The following EGF variants were observed in gnomAD, a reference collection of about 807,000 sequenced individuals.
EGF encodes the protein epidermal growth factor, also known as pro-epidermal growth factor.
Under a neutral mutation model 143.8 loss-of-function variants are expected in EGF, and 95 were observed. The observed-to-expected ratio is 0.66, with a 90% CI of 0.56 to 0.78. The LOEUF is 0.78. Ranked by LOEUF, EGF falls within the 30% of genes least tolerant of loss-of-function variation. EGF has a pLI of 0.00. For synonymous variants in EGF, 510 were observed against 510.5 expected (o/e 1.00, Z 0.01); for missense variants, 1,320 against 1,470.9 (o/e 0.90, Z 1.68).
At chr4:109,932,799 A>G (rs1740025360) in intron 1 of EGF, among the ~76,000 whole-genome samples, 1 of 152,200 alleles carries the variant, frequency 6.6e-6, no homozygotes, top group Non-Finnish European at 1.5e-5. Context: ...CATGCATGAT[A>G]CACATAGCAG....
At position 109,969,093 on chromosome 4, in the gene EGF, C is replaced by G; in HGVS notation, c.1698C>G (p.Gly566=). ...VPEGLAVDWI[G]RRFYWTDRGK... ...AAGGTCTTGCTGTGGACTGGATTGGCCGTAGATTCTATTGGACAGACAGAG... is the reference window on the plus strand; with the variant it reads ...AAGGTCTTGCTGTGGACTGGATTGGGCGTAGATTCTATTGGACAGACAGAG... The change falls in exon 11 of 24, where the codon GGC becomes GGG. Residue 566 remains glycine, a synonymous_variant. Coordinates refer to ENST00000265171, the MANE Select transcript of EGF (RefSeq NM_001963.6). 1 of 1,613,976 alleles carries G rather than the reference C, an allele frequency of 6.2e-7. No individual in the cohort carries two copies. The highest frequency in any genetic ancestry group is 8.5e-7 in the Non-Finnish European group (1 of 1,179,976).
intron 18 of EGF, among the ~76,000 whole-genome samples, chr4:109,993,032 C>T (rs1264466349): frequency 6.6e-6 from 1 of 151,670 alleles, no homozygotes; most frequent in Non-Finnish European, 1.5e-5. Flanking sequence ...ACCAACATGG[C>T]ACATGTATAC....
At position 110,011,668 on chromosome 4, in the gene EGF, G is replaced by A. The variant is rs775896831; in HGVS notation, c.*213G>A. On this transcript the variant is annotated 3_prime_UTR_variant, in exon 24 of 24. Coordinates refer to ENST00000265171, the MANE Select transcript of EGF (RefSeq NM_001963.6). ...TTATTTCCAAGTAAGAGTACTGGGA[G>A]AATCACTAGGTAACTTATTAGAAAC... The A allele has an allele frequency of 1.5e-4, 104 of 706,676 alleles. No homozygotes were observed. Among genetic ancestry groups the A allele is most frequent in the Non-Finnish European group, 2.3e-4 (99 of 439,522 alleles). 43.8% of individuals were successfully genotyped at this position (706,676 alleles called of 1,614,324 possible).
intron 1 of EGF, among the ~76,000 whole-genome samples, chr4:109,938,329 T>A (rs1387061229): frequency 2.6e-5 from 4 of 152,246 alleles, no homozygotes; most frequent in African/African-American, 4.8e-5. Context: ...TGTGCATGTG[T>A]CACGAAGTTC....
intron 5 of EGF, among the ~76,000 whole-genome samples, chr4:109,947,957 G>A (rs1040323248): frequency 2.0e-5 from 3 of 152,114 alleles, no homozygotes; most frequent in Admixed American, 2.0e-4. Context: ...GATGAATGTG[G>A]GGGAAAATTT....
rs2298994 is a variant in EGF at position 109,984,240 on chromosome 4, A to C, written c.2491+699A>C. ...ACTAAGTAACACTTTAACAAGATGTATGTGGCAAAAAAAAAAAAGGAAAAT... is the reference window on the plus strand; with the variant it reads ...ACTAAGTAACACTTTAACAAGATGTCTGTGGCAAAAAAAAAAAAGGAAAAT... On this transcript the variant is annotated intron_variant, in intron 16 of 23. Transcript: ENST00000265171. 0.021 allele frequency among the ~76,000 whole-genome samples: 3,123 copies of C among 145,340 alleles called. 215 individuals are homozygous for C. In the East Asian group the frequency reaches 0.27, roughly 12 times the overall value.
chr4:109,926,005 C>T (rs1182738689), intron 1 of EGF, among the ~76,000 whole-genome samples: 2 of 152,134 alleles, frequency 1.3e-5, no homozygotes, highest in Non-Finnish European at 2.9e-5. Flanking sequence ...ATACTTTGTA[C>T]TGGATGGGGA....
At chr4:109,982,065 G>A (rs1253344934) in intron 15 of EGF, among the ~76,000 whole-genome samples, 1 of 151,508 alleles carries the variant, frequency 6.6e-6, no homozygotes, top group Non-Finnish European at 1.5e-5. Context: ...CCTCCTAGTA[G>A]CTGGGACCAC....
In EGF at chr4:110,008,339, C is replaced by T. The variant is rs1033723206; in HGVS notation, c.3370+109C>T. 7.5e-6 allele frequency: 10 copies of T among 1,333,824 alleles called. No individual in the cohort carries two copies. The Admixed American group carries it at 1.4e-4, about 18-fold the overall frequency. The allele number at this position is 1,333,824 out of a possible 1,614,324, so 82.6% of individuals were successfully genotyped here. ...ACACACACACACACAAACAAAATAA[C>T]TAAATTGTATAAGCTATGTGAATAG... On this transcript the variant is annotated intron_variant, in intron 23 of 23. Transcript: ENST00000265171.
chr4:109,920,727 A>G lies in EGF; in HGVS notation c.127+7265A>G, dbSNP rs1225636111. 3.3e-5 allele frequency among the ~76,000 whole-genome samples: 5 copies of G among 151,726 alleles called. 1 individual carries two copies. Among genetic ancestry groups the G allele is most frequent in the African/African-American group, 9.8e-5 (4 of 40,980 alleles). The stretch of plus-strand genomic sequence containing the variant: ...TAACTTTAAGAAAGAACCAGAAACA[A>G]CAACAGCAACTACAGAGATCCTGAC... On this transcript the variant is annotated intron_variant, in intron 1 of 23. Coordinates refer to ENST00000265171, the MANE Select transcript of EGF (RefSeq NM_001963.6).
At chr4:109,979,027 A>C (rs1354737463) in intron 13 of EGF, among the ~76,000 whole-genome samples, 2 of 152,168 alleles carry the variant, frequency 1.3e-5, no homozygotes, top group African/African-American at 4.8e-5. Flanking sequence ...TTTAGTCTCT[A>C]ACCACCTGAG....
rs748998371 is a variant in EGF, at chr4:109,983,566, T to C, written c.2491+25T>C. 3.7e-6 allele frequency: 6 copies of C among 1,612,882 alleles called. No individual in the cohort carries two copies. In the African/African-American group the frequency reaches 5.3e-5, roughly 14 times the overall value. On this transcript the variant is annotated intron_variant, in intron 16 of 23. Transcript: ENST00000265171. ...GGTATGAATAACTAGTTCTCCAATA[T>C]ACCTTTGGTTCCAACAGTTTCCATC... is the stretch of plus-strand genomic sequence containing the variant.
chr4:109,925,050 T>C (rs1738407494), intron 1 of EGF, among the ~76,000 whole-genome samples: 2 of 152,212 alleles, frequency 1.3e-5, no homozygotes, highest in African/African-American at 4.8e-5. Flanking sequence ...AAAGTTATGA[T>C]AGTTAAGAAG....
chr4:109,981,313 G>T (rs938492687), intron 15 of EGF, among the ~76,000 whole-genome samples: 1 of 152,184 alleles, frequency 6.6e-6, no homozygotes, highest in Non-Finnish European at 1.5e-5. Context: ...GAAGTTTTAT[G>T]TCCTCAATTT....
intron 1 of EGF, among the ~76,000 whole-genome samples, chr4:109,919,041 C>T (rs1481837105): frequency 1.3e-5 from 2 of 152,142 alleles, no homozygotes; most frequent in African/African-American, 4.8e-5. Context: ...TCTTCTTCCT[C>T]CAATTTTGCT....
At chr4:109,989,305 G>A (rs1476148514) in intron 18 of EGF, among the ~76,000 whole-genome samples, 1 of 152,206 alleles carries the variant, frequency 6.6e-6, no homozygotes, top group Non-Finnish European at 1.5e-5. Flanking sequence ...AGTTCGCGTC[G>A]TGGATGTCTC....
intron 1 of EGF, among the ~76,000 whole-genome samples, chr4:109,939,405 A>G (rs1008611383): frequency 2.6e-5 from 4 of 152,242 alleles, no homozygotes; most frequent in Non-Finnish European, 5.9e-5. Context: ...AAAGCGCAGT[A>G]TTTGGACAAA....
chr4:109,922,236 A>G (rs1319575018), intron 1 of EGF, among the ~76,000 whole-genome samples: 2 of 151,724 alleles, frequency 1.3e-5, no homozygotes, highest in African/African-American at 4.9e-5. Context: ...GACAAATTTG[A>G]AAAACCTGCT....
chr4:110,004,457 G>T, intron 21 of EGF, 48 bp from the exon 22 acceptor site: 1 of 1,518,614 alleles, frequency 6.6e-7, no homozygotes, highest in Non-Finnish European at 9.1e-7. Flanking sequence ...AGTGGGCTGA[G>T]TATTTTGTTT....
Sources: gnomAD v4.1 joint callset for allele counts (sites outside exome capture counted in the v4.1 genomes callset) on GRCh38, gnomAD v4.1.1 for gene constraint, MANE v1.5 for transcripts, NCBI Gene and HGNC (gene_info 2026-07-23, HGNC 2026-07-21) for gene names.